The following TSNARE1 variants were observed in gnomAD, a reference collection of about 807,000 sequenced individuals.
TSNARE1 encodes the protein t-SNARE domain containing 1, also known as t-SNARE domain-containing protein 1.
In TSNARE1, 49 loss-of-function variants were observed where a neutral mutation model predicts 62.0. The ratio of observed to expected loss-of-function variants is 0.79; its 90% CI spans 0.63 to 1.00. The LOEUF is 1.00. Ranked by LOEUF, TSNARE1 falls within the 50% of genes least tolerant of loss-of-function variation. The pLI, the probability that TSNARE1 is intolerant of heterozygous loss-of-function variation, is 0.00. For missense variants in TSNARE1, 755 were observed against 700.1 expected, an observed-to-expected ratio of 1.08 and a Z score of -0.88; for synonymous variants, 328 against 294.4, an observed-to-expected ratio of 1.11 and a Z score of -1.17.
chr8:142,361,393 G>C (rs1257240810), intron 1 of TSNARE1, among the ~76,000 whole-genome samples: 1 of 152,242 alleles, frequency 6.6e-6, no homozygotes, highest in African/African-American at 2.4e-5. Context: ...GCAGGGACGG[G>C]CTCCTCGGGC....
intron 4 of TSNARE1, among the ~76,000 whole-genome samples, chr8:142,341,275 C>G (rs982446025): frequency 2.0e-5 from 3 of 152,214 alleles, no homozygotes; most frequent in South Asian, 4.1e-4. Flanking sequence ...CACCCACCCC[C>G]CCAGGCCTGG....
intron 12 of TSNARE1, among the ~76,000 whole-genome samples, chr8:142,237,499 C>T (rs1280534154): frequency 6.6e-6 from 1 of 152,258 alleles, no homozygotes; most frequent in African/African-American, 2.4e-5. Context: ...CAGGCCCTGG[C>T]TCTCTCCACC....
intron 12 of TSNARE1, among the ~76,000 whole-genome samples, chr8:142,235,338 C>G (rs1221042814): frequency 1.3e-5 from 2 of 152,084 alleles, no homozygotes; most frequent in African/African-American, 4.8e-5. Flanking sequence ...CCAGCGCCCT[C>G]GTCGGGCCAT....
intron 1 of TSNARE1, among the ~76,000 whole-genome samples, chr8:142,372,676 T>G (rs1383589135): frequency 1.3e-5 from 2 of 152,162 alleles, no homozygotes; most frequent in African/African-American, 4.8e-5. Context: ...GAGGATGAGC[T>G]GAGCTCACAT....
intron 1 of TSNARE1, among the ~76,000 whole-genome samples, chr8:142,381,866 C>T (rs981517940): frequency 1.3e-5 from 2 of 152,184 alleles, no homozygotes; most frequent in East Asian, 1.9e-4. Context: ...GCAGCGCCCG[C>T]GGGTGCCGCA....
rs1011418101 is a variant in TSNARE1, at chr8:142,291,330, C to T, written c.1291-6845G>A. Among the ~76,000 whole-genome samples, 103 of 152,242 alleles carry T rather than the reference C, an allele frequency of 6.8e-4. 1 individual carries two copies. Among genetic ancestry groups the T allele is most frequent in the Middle Eastern group, 3.4e-3 (1 of 294 alleles). On this transcript the variant is annotated intron_variant, in intron 10 of 13. Coordinates refer to ENST00000524325, the MANE Select transcript of TSNARE1 (RefSeq NM_145003.5). This position sits in a 1 kb window ranked among gnomAD's most constrained non-coding sequence, Gnocchi z 4.8. The stretch of plus-strand genomic sequence containing the variant: ...TCCATGGCGTGTGAGCTGTGTGACC[C>T]TGGGCAAGCGATGGGCCTGCTCCAA...
At chr8:142,249,129 G>A (rs1443520047) in intron 12 of TSNARE1, among the ~76,000 whole-genome samples, 2 of 152,250 alleles carry the variant, frequency 1.3e-5, no homozygotes, top group Non-Finnish European at 2.9e-5. Context: ...CCTTCCTCAC[G>A]GGGCCACGCT....
chr8:142,299,538 C>G (rs946810178), intron 10 of TSNARE1, among the ~76,000 whole-genome samples: 1 of 152,238 alleles, frequency 6.6e-6, no homozygotes, highest in African/African-American at 2.4e-5. Flanking sequence ...GTGTCCCCCC[C>G]ACGCTGCCTG....
chr8:142,284,854 GC>G (rs1176692495), intron 10 of TSNARE1, among the ~76,000 whole-genome samples: 4 of 152,212 alleles, frequency 2.6e-5, no homozygotes, highest in Non-Finnish European at 4.4e-5. Context: ...GTGAAGGACA[GC>G]ATCCCCAGCA....
chr8:142,357,854 T>C (rs140385044), intron 1 of TSNARE1, among the ~76,000 whole-genome samples: 12 of 151,908 alleles, frequency 7.9e-5, no homozygotes, highest in African/African-American at 2.9e-4. Context: ...ACACAGGAGA[T>C]GGGGACGAGT....
chr8:142,315,407 C>T (rs930302542), intron 7 of TSNARE1, among the ~76,000 whole-genome samples: 5 of 152,260 alleles, frequency 3.3e-5, no homozygotes, highest in African/African-American at 1.2e-4. Flanking sequence ...CGCAGGACGT[C>T]GTGGCCCTGA....
At chr8:142,296,436 G>A (rs1418756134) in intron 10 of TSNARE1, among the ~76,000 whole-genome samples, 1 of 141,710 alleles carries the variant, frequency 7.1e-6, no homozygotes, top group Non-Finnish European at 1.6e-5. Context: ...CATGGGGGAG[G>A]GGCGGTCACT....
chr8:142,284,421 TCTC>T lies in TSNARE1; in HGVS notation c.1352_1354del (p.Gly451del). Reference sequence around the variant, plus strand: ...CTGGGGCGGGTACCCACCAACAGCTTCTCCTTGCTCTGACACCATGGAGGCCAA... The same window carrying T: ...CTGGGGCGGGTACCCACCAACAGCTTCTTGCTCTGACACCATGGAGGCCAA... On this transcript the variant is annotated inframe_deletion, in exon 11 of 14. Transcript: ENST00000524325. 6.2e-7 allele frequency: 1 copy of T among 1,613,206 alleles called. No homozygotes were observed. Among genetic ancestry groups the T allele is most frequent in the Non-Finnish European group, 8.5e-7 (1 of 1,179,822 alleles).
At chr8:142,258,876 A>G (rs1818722124) in intron 12 of TSNARE1, among the ~76,000 whole-genome samples, 1 of 152,176 alleles carries the variant, frequency 6.6e-6, no homozygotes, top group African/African-American at 2.4e-5. Flanking sequence ...CACCCAGCTC[A>G]GAGTCTGGAA....
At position 142,222,210 on chromosome 8, in the gene TSNARE1, CCGCTCATT is replaced by C. The variant is rs1563754734; in HGVS notation, c.*11+7255_*11+7262del. 9.8e-4 allele frequency among the ~76,000 whole-genome samples: 22 copies of C among 22,362 alleles called. 1 individual carries two copies. The highest frequency in any genetic ancestry group is 1.6e-3 in the East Asian group (1 of 642). The allele number at this position is 22,362 out of a possible 152,430, so 14.7% of individuals were successfully genotyped here. On this transcript the variant is annotated intron_variant, in intron 13 of 13. Coordinates refer to ENST00000524325, the MANE Select transcript of TSNARE1 (RefSeq NM_145003.5). ...CTCACTCATTCACTCACTCACTCAT[CCGCTCATT>C]CACTCACTCATCCACTCATTCACTC...
At chr8:142,331,464 C>T (rs767909762) in intron 5 of TSNARE1, among the ~76,000 whole-genome samples, 51 of 152,220 alleles carry the variant, frequency 3.4e-4, no homozygotes, top group Admixed American at 2.0e-3. Context: ...GAGCCAGCAG[C>T]GGGCAGGGGG....
In TSNARE1 at chr8:142,402,866, T is replaced by C. The variant is rs2131545897; in HGVS notation, c.-40+238A>G. 1.3e-5 allele frequency: 2 copies of C among 152,158 alleles called. 1 individual carries two copies. The highest frequency in any genetic ancestry group is 4.1e-4 in the South Asian group (2 of 4,852). 9.4% of individuals were successfully genotyped at this position (152,158 alleles called of 1,614,324 possible). ...GGCCGGTCCCCGAAATGCGGCGCTC[T>C]CGCGGGGCTGCGGCTCAGGGTCCCT... On this transcript the variant is annotated intron_variant, in intron 1 of 13. Transcript: ENST00000524325.
intron 1 of TSNARE1, among the ~76,000 whole-genome samples, chr8:142,359,098 T>C (rs1013072271): frequency 2.0e-5 from 3 of 152,022 alleles, no homozygotes; most frequent in African/African-American, 7.2e-5. Flanking sequence ...ACCCAGGCTG[T>C]TACTCGGCTT....
intron 13 of TSNARE1, among the ~76,000 whole-genome samples, chr8:142,226,877 T>G (rs1816800835): frequency 6.6e-6 from 1 of 152,048 alleles, no homozygotes; most frequent in Non-Finnish European, 1.5e-5. Flanking sequence ...CTGGGCAAGC[T>G]GCTGAGCCTC....
Sources: allele counts gnomAD v4.1 joint callset (sites outside exome capture counted in the v4.1 genomes callset), GRCh38; gene constraint gnomAD v4.1.1; non-coding constraint Gnocchi (gnomAD v3.1); transcripts MANE v1.5; gene names NCBI Gene and HGNC (gene_info 2026-07-23, HGNC 2026-07-21).